The following XPNPEP1 variants were observed in gnomAD, a reference collection of about 807,000 sequenced individuals.
The protein encoded by XPNPEP1 is X-prolyl aminopeptidase 1, also known as xaa-Pro aminopeptidase 1.
In XPNPEP1, 39 loss-of-function variants were observed where a neutral mutation model predicts 92.4. That is an observed-to-expected ratio of 0.42 (90% CI 0.33 to 0.55). The LOEUF (loss-of-function observed/expected upper bound fraction) is 0.55, where lower values mean the gene tolerates loss of function less well. Ranked by LOEUF, XPNPEP1 falls within the 20% of genes least tolerant of loss-of-function variation. XPNPEP1 has a pLI of 0.08. For synonymous variants in XPNPEP1, 307 were observed against 299.4 expected (o/e 1.03, Z -0.26); for missense variants, 654 against 856.1 (o/e 0.76, Z 2.95).
At chr10:109,888,013 G>A (rs200548336) in intron 7 of XPNPEP1, 36 bp downstream of exon 7, 245 of 1,609,482 alleles carry the variant, frequency 1.5e-4, no homozygotes, top group Non-Finnish European at 1.9e-4. Context: ...GGGGACAATG[G>A]CAGGGGCCCT....
At chr10:109,893,734 G>A (rs1279154705) in intron 3 of XPNPEP1, among the ~76,000 whole-genome samples, 3 of 152,286 alleles carry the variant, frequency 2.0e-5, no homozygotes, top group South Asian at 2.1e-4. Flanking sequence ...AAATTCTTAC[G>A]CGTGGGCAAA....
chr10:109,874,338 C>T (rs1429210322), intron 15 of XPNPEP1, among the ~76,000 whole-genome samples: 1 of 152,132 alleles, frequency 6.6e-6, no homozygotes, highest in African/African-American at 2.4e-5. Context: ...CAAAAGAGGG[C>T]CAAAACCCAA....
Position 109,873,347 on chromosome 10 carries a change from GT to G in XPNPEP1, c.1452+19del. 1 of 1,614,056 alleles carries G rather than the reference GT, an allele frequency of 6.2e-7. No individual in the cohort carries two copies. Among genetic ancestry groups the G allele is most frequent in the East Asian group, 2.2e-5 (1 of 44,884 alleles). The stretch of plus-strand genomic sequence containing the variant: ...TAAGAAAGCAGAGAGGACCTCTTGA[GT>G]TTTTTACCTCCACCTTACCTTCTCG... On this transcript the variant is annotated intron_variant, in intron 16 of 20. Transcript: ENST00000502935.
chr10:109,888,769 A>G (rs1235510728), intron 5 of XPNPEP1, among the ~76,000 whole-genome samples, 174 bp from the exon 6 acceptor site: 2 of 152,254 alleles, frequency 1.3e-5, no homozygotes, highest in East Asian at 1.9e-4. Context: ...GGAAGGCTAC[A>G]GAGAGGGAGA....
At position 109,870,644 on chromosome 10, in the gene XPNPEP1, TTAAAC is replaced by T. The variant is rs1296202063; in HGVS notation, c.1696+82_1696+86del. ...AAGGGAAAAGTATTGCCAATTTACT[TTAAAC>T]TAATTAAAAAATACAAAACAACGAA... On this transcript the variant is annotated intron_variant, in intron 18 of 20. Transcript: ENST00000502935. 3.0e-5 allele frequency: 44 copies of T among 1,490,528 alleles called. No homozygotes were observed. In the East Asian group the frequency reaches 7.8e-4, roughly 26 times the overall value. 92.3% of individuals were successfully genotyped at this position (1,490,528 alleles called of 1,614,324 possible).
intron 2 of XPNPEP1, among the ~76,000 whole-genome samples, chr10:109,909,780 A>G (rs1301690335): frequency 6.6e-6 from 1 of 152,218 alleles, no homozygotes; most frequent in African/African-American, 2.4e-5. Flanking sequence ...TTTCCAACTC[A>G]TTTTTAATAG....
chr10:109,874,508 A>G (rs1346445334), intron 15 of XPNPEP1, among the ~76,000 whole-genome samples: 1 of 152,230 alleles, frequency 6.6e-6, no homozygotes, highest in Non-Finnish European at 1.5e-5. Flanking sequence ...CACCATTATC[A>G]AGCAATCCTT....
At position 109,878,057 on chromosome 10, in the gene XPNPEP1, A is replaced by G; in HGVS notation, c.1184T>C (p.Val395Ala). The stretch of plus-strand genomic sequence containing the variant: ...GATCTCTGTCACACCACCTTTGGGA[A>G]CCTATGAGAAAATTGCTTATAAATC... The part of the protein sequence containing the change: ...CELFNWLEKE[V>A]PKGGVTEISA... The change falls in exon 13 of 21, where the codon GTT becomes GCT. Residue 395 changes from valine to alanine, a missense_variant and splice_region_variant. Val to Ala is a moderately conservative substitution (Grantham distance 64, BLOSUM62 0). Transcript: ENST00000502935. The G allele has an allele frequency of 1.2e-6, 2 of 1,614,258 alleles. No individual in the cohort carries two copies. Among genetic ancestry groups the G allele is most frequent in the Non-Finnish European group, 1.7e-6 (2 of 1,180,042 alleles).
At chr10:109,888,451 G>C in intron 6 of XPNPEP1, 52 bp downstream of exon 6, 1 of 1,521,354 alleles carries the variant, frequency 6.6e-7, no homozygotes, top group South Asian at 1.2e-5. Context: ...GAATGGAGGG[G>C]AATCTAGAAG....
At chr10:109,873,474 A>G (rs376910908) in intron 15 of XPNPEP1, 47 bp from the exon 16 acceptor site, 42 of 1,612,466 alleles carry the variant, frequency 2.6e-5, no homozygotes, top group Non-Finnish European at 3.5e-5. Flanking sequence ...ATAAGCTTTA[A>G]GTCAAATATG....
chr10:109,883,094 T>A (rs1300923143), intron 9 of XPNPEP1, among the ~76,000 whole-genome samples: 1 of 152,176 alleles, frequency 6.6e-6, no homozygotes, highest in East Asian at 1.9e-4. Context: ...CTCTGAAAAA[T>A]TCGTTCAATA....
intron 3 of XPNPEP1, among the ~76,000 whole-genome samples, chr10:109,901,376 G>A (rs183073567): frequency 7.2e-5 from 11 of 152,196 alleles, no homozygotes; most frequent in African/African-American, 1.9e-4. Context: ...AAACCTGCAC[G>A]TTGTGCTCAT....
intron 1 of XPNPEP1, among the ~76,000 whole-genome samples, chr10:109,921,953 T>C (rs1850566683): frequency 6.6e-6 from 1 of 152,194 alleles, no homozygotes; most frequent in African/African-American, 2.4e-5. Context: ...TAACCTGCCA[T>C]AAGGAGAAAG....
At chr10:109,898,213 T>C (rs1263554126) in intron 3 of XPNPEP1, among the ~76,000 whole-genome samples, 1 of 152,154 alleles carries the variant, frequency 6.6e-6, no homozygotes, top group African/African-American at 2.4e-5. Context: ...CTTCCTCATC[T>C]GTAAAATGGG....
chr10:109,880,804 C>A (rs1848049044), intron 11 of XPNPEP1, 38 bp downstream of exon 11: 3 of 1,604,260 alleles, frequency 1.9e-6, no homozygotes, highest in Non-Finnish European at 2.6e-6. Flanking sequence ...CTTCTGACCA[C>A]CTCACATCCC....
chr10:109,884,255 G>A, intron 8 of XPNPEP1, 107 bp from the exon 9 acceptor site: 3 of 1,068,150 alleles, frequency 2.8e-6, no homozygotes, highest in South Asian at 2.9e-5. Context: ...GCTGCGCAAG[G>A]ATTCAGTGGA....
intron 2 of XPNPEP1, among the ~76,000 whole-genome samples, chr10:109,911,937 A>T (rs1849899138): frequency 6.6e-6 from 1 of 152,210 alleles, no homozygotes; most frequent in East Asian, 1.9e-4. Flanking sequence ...CACTAACTTC[A>T]TCAATAACGT....
chr10:109,921,981 C>T (rs575356815), intron 1 of XPNPEP1, among the ~76,000 whole-genome samples: 27 of 152,278 alleles, frequency 1.8e-4, no homozygotes, highest in Middle Eastern at 3.4e-3. Flanking sequence ...GAGAATGAAG[C>T]GGATACTGAA....
intron 5 of XPNPEP1, among the ~76,000 whole-genome samples, chr10:109,890,581 T>TGTGTGTGTGTGA (rs1470686568): frequency 1.9e-4 from 17 of 91,220 alleles, no homozygotes; most frequent in African/African-American, 7.9e-4. Context: ...TGTGTGTGTG[T>TGTGTGTGTGTGA]GTGTGTGTGT....
Sources: allele counts gnomAD v4.1 joint callset (sites outside exome capture counted in the v4.1 genomes callset), GRCh38; gene constraint gnomAD v4.1.1; transcripts MANE v1.5; gene names NCBI Gene and HGNC (gene_info 2026-07-23, HGNC 2026-07-21).